ASIC2: variants seen among roughly 807,000 people sequenced by gnomAD.
ASIC2 encodes acid-sensing ion channel 2.
Under a neutral mutation model 57.3 loss-of-function variants are expected in ASIC2, and 25 were observed. The ratio of observed to expected loss-of-function variants is 0.44; its 90% CI spans 0.32 to 0.61. The LOEUF is 0.61. ASIC2 is among the 20% of genes least tolerant of loss of function. The probability of loss-of-function intolerance (pLI) is 0.06; values close to 1 mark genes in which losing one functional copy is unlikely to be tolerated. For missense variants in ASIC2, 641 were observed against 738.1 expected (o/e 0.87, Z 1.52); for synonymous variants, 319 against 307.5 (o/e 1.04, Z -0.39).
chr17:34,092,200 AG>A (rs917169378), intron 1 of ASIC2, among the ~76,000 whole-genome samples: 14 of 152,220 alleles, frequency 9.2e-5, no homozygotes, highest in African/African-American at 3.1e-4. Context: ...GGCCAGTGTC[AG>A]GATCAAGAGG....
At chr17:33,741,830 C>G (rs1910121967) in intron 1 of ASIC2, among the ~76,000 whole-genome samples, 2 of 152,206 alleles carry the variant, frequency 1.3e-5, no homozygotes, top group African/African-American at 4.8e-5. Context: ...CTGAGGCCAC[C>G]ATGCCTAGAT....
intron 1 of ASIC2, among the ~76,000 whole-genome samples, chr17:33,143,190 G>A (rs906985566): frequency 6.6e-6 from 1 of 152,172 alleles, no homozygotes; most frequent in African/African-American, 2.4e-5. Context: ...CTTAGATCAT[G>A]GATGCTAGCT....
chr17:34,031,682 T>G (rs951146327), intron 1 of ASIC2, among the ~76,000 whole-genome samples: 15 of 152,090 alleles, frequency 9.9e-5, no homozygotes, highest in Non-Finnish European at 2.1e-4. Flanking sequence ...CTAATGGAGC[T>G]GAAAACCAAG....
At chr17:33,882,612 C>G (rs1361934463) in intron 1 of ASIC2, among the ~76,000 whole-genome samples, 2 of 152,138 alleles carry the variant, frequency 1.3e-5, no homozygotes, top group Non-Finnish European at 2.9e-5. Context: ...CAGGAAACAA[C>G]AGGTGCTGGA....
intron 6 of ASIC2, among the ~76,000 whole-genome samples, chr17:33,023,633 C>T (rs758940876): frequency 1.3e-5 from 2 of 152,158 alleles, no homozygotes; most frequent in Non-Finnish European, 2.9e-5. Context: ...TCAGTGTGTG[C>T]TTGTCTCTCC....
chr17:33,044,521 C>T (rs891526835), intron 3 of ASIC2, among the ~76,000 whole-genome samples: 3 of 152,028 alleles, frequency 2.0e-5, no homozygotes, highest in Non-Finnish European at 2.9e-5. Context: ...TACAGGCACC[C>T]GAAACTAATT....
At chr17:33,931,847 T>C (rs1597935896) in intron 1 of ASIC2, among the ~76,000 whole-genome samples, 1 of 152,204 alleles carries the variant, frequency 6.6e-6, no homozygotes, top group Admixed American at 6.5e-5. Flanking sequence ...CAAAACTGCA[T>C]GGGGAATGAG....
chr17:33,912,711 G>A (rs758668629), intron 1 of ASIC2, among the ~76,000 whole-genome samples: 3 of 57,722 alleles, frequency 5.2e-5, no homozygotes, highest in Non-Finnish European at 1.1e-4. Context: ...CGGGTGAGGT[G>A]TCTCACGCCT....
chr17:33,160,167 C>T (rs1255933598), intron 1 of ASIC2, among the ~76,000 whole-genome samples: 1 of 151,350 alleles, frequency 6.6e-6, no homozygotes, highest in Non-Finnish European at 1.5e-5. Context: ...CAAGATCGCA[C>T]CACTGCTCTC....
chr17:33,199,497 T>C (rs1360884437), intron 1 of ASIC2, among the ~76,000 whole-genome samples: 1 of 152,190 alleles, frequency 6.6e-6, no homozygotes, highest in African/African-American at 2.4e-5. Flanking sequence ...CAAACTCTCT[T>C]AGCTTTTACT....
At chr17:33,909,571 T>C (rs1463111620) in intron 1 of ASIC2, among the ~76,000 whole-genome samples, 2 of 152,000 alleles carry the variant, frequency 1.3e-5, no homozygotes, top group East Asian at 3.9e-4. Flanking sequence ...GGAGAGGGCT[T>C]GAGGGGGATG....
intron 1 of ASIC2, among the ~76,000 whole-genome samples, chr17:34,012,234 C>T (rs1906795231): frequency 6.6e-6 from 1 of 152,154 alleles, no homozygotes; most frequent in South Asian, 2.1e-4. Context: ...TGACCCAACC[C>T]ACAGAAATAT....
At position 33,961,843 on chromosome 17, in the gene ASIC2, C is replaced by T. The variant is rs191148580; in HGVS notation, c.555+194135G>A. ...AACCCAACATTGCTCTCCACAGTTG[C>T]TTTCCAACCTCCATCTCCACTTTCC... On this transcript the variant is annotated intron_variant, in intron 1 of 9. Coordinates refer to the ASIC2 transcript ENST00000359872. Among the ~76,000 whole-genome samples the T allele has an allele frequency of 2.4e-3, 366 of 152,280 alleles. 2 individuals are homozygous for T. The highest frequency in any genetic ancestry group is 4.0e-3 in the Non-Finnish European group (270 of 68,022).
chr17:33,778,900 AG>A (rs1418915123), intron 1 of ASIC2, among the ~76,000 whole-genome samples: 1 of 152,124 alleles, frequency 6.6e-6, no homozygotes, highest in East Asian at 1.9e-4. Context: ...CAGGGCGCCT[AG>A]GGTATTCTAA....
intron 1 of ASIC2, among the ~76,000 whole-genome samples, chr17:34,020,515 CT>C (rs1480468766): frequency 8.5e-5 from 13 of 152,308 alleles, no homozygotes; most frequent in Admixed American, 4.6e-4. Context: ...AAGCAGGGAA[CT>C]TTCTCTCTGA....
chr17:33,844,376 A>G (rs1913522729), intron 1 of ASIC2, among the ~76,000 whole-genome samples: 1 of 152,186 alleles, frequency 6.6e-6, no homozygotes, highest in Non-Finnish European at 1.5e-5. Flanking sequence ...GATGGGATGG[A>G]GTCATAACCT....
At chr17:33,105,987 G>C (rs1329147798) in intron 2 of ASIC2, among the ~76,000 whole-genome samples, 2 of 152,198 alleles carry the variant, frequency 1.3e-5, no homozygotes, top group East Asian at 3.8e-4. Flanking sequence ...GAGTAGGGGT[G>C]AGGGTGGCAA....
intron 1 of ASIC2, among the ~76,000 whole-genome samples, chr17:33,454,150 T>C (rs1005609692): frequency 6.6e-6 from 1 of 152,244 alleles, no homozygotes; most frequent in African/African-American, 2.4e-5. Flanking sequence ...GACATTTCTT[T>C]TACTTGTCCC....
chr17:33,206,546 G>T (rs1051302773), intron 1 of ASIC2, among the ~76,000 whole-genome samples: 3 of 152,152 alleles, frequency 2.0e-5, no homozygotes, highest in Admixed American at 2.0e-4. Context: ...ATGAGTATAG[G>T]CCTCTCAGAT....
Sources: allele counts gnomAD v4.1 joint callset (sites outside exome capture counted in the v4.1 genomes callset), GRCh38; gene constraint gnomAD v4.1.1; transcripts MANE v1.5; gene names NCBI Gene and HGNC (gene_info 2026-07-23, HGNC 2026-07-21).